Variants in CMIP observed in about 807,000 individuals in gnomAD.
CMIP encodes the protein c-Maf inducing protein, also known as C-Maf-inducing protein.
Under a neutral mutation model 97.3 loss-of-function variants are expected in CMIP, and 13 were observed. That is an observed-to-expected ratio of 0.13 (90% CI 0.09 to 0.21). The LOEUF is 0.21. CMIP is among the 10% of genes least tolerant of loss of function. CMIP has a pLI of 1.00. For missense variants in CMIP, 847 were observed against 1,024.9 expected (o/e 0.83, Z 2.37); for synonymous variants, 538 against 436.3 (o/e 1.23, Z -2.91).
intron 1 of CMIP, among the ~76,000 whole-genome samples, chr16:81,597,840 C>T (rs2091587418): frequency 1.3e-5 from 2 of 152,066 alleles, no homozygotes; most frequent in African/African-American, 4.8e-5. Flanking sequence ...CAGCCATCTT[C>T]AGGGATCATC....
chr16:81,490,583 G>A (rs145061554), intron 1 of CMIP, among the ~76,000 whole-genome samples: 7 of 152,280 alleles, frequency 4.6e-5, no homozygotes, highest in Non-Finnish European at 7.4e-5. Flanking sequence ...TTACGCCATC[G>A]CACTCTAGCC....
intron 5 of CMIP, among the ~76,000 whole-genome samples, chr16:81,659,037 G>T (rs1386820699): frequency 6.6e-6 from 1 of 152,232 alleles, no homozygotes; most frequent in East Asian, 1.9e-4. Context: ...CTCTCAGTGG[G>T]TGTTTGCTAA....
intron 19 of CMIP, among the ~76,000 whole-genome samples, chr16:81,706,573 G>A (rs1908166039): frequency 6.6e-6 from 1 of 152,236 alleles, no homozygotes; most frequent in Admixed American, 6.5e-5. Flanking sequence ...GTGGGTGGAG[G>A]GGTCTGCCCC....
intron 2 of CMIP, among the ~76,000 whole-genome samples, chr16:81,617,962 C>T (rs1172122489): frequency 6.6e-6 from 1 of 152,214 alleles, no homozygotes; most frequent in African/African-American, 2.4e-5. Flanking sequence ...CCTCCACCTT[C>T]TTTTTGTCTT....
intron 2 of CMIP, among the ~76,000 whole-genome samples, chr16:81,609,732 C>T (rs1443385748): frequency 6.6e-6 from 1 of 152,124 alleles, no homozygotes; most frequent in Non-Finnish European, 1.5e-5. Context: ...GGGGTGGGGG[C>T]ACACTCCCCG....
At chr16:81,527,435 A>T (rs1170139198) in intron 1 of CMIP, among the ~76,000 whole-genome samples, 1 of 152,208 alleles carries the variant, frequency 6.6e-6, no homozygotes, top group Non-Finnish European at 1.5e-5. Flanking sequence ...GTATTCATCC[A>T]TTCTTTTCTT....
intron 1 of CMIP, among the ~76,000 whole-genome samples, chr16:81,512,942 G>T (rs2089841304): frequency 6.6e-6 from 1 of 152,128 alleles, no homozygotes; most frequent in Non-Finnish European, 1.5e-5. Flanking sequence ...TCTCCATGTT[G>T]CCCAAGCTGG....
At chr16:81,583,830 G>T (rs560633226) in intron 1 of CMIP, among the ~76,000 whole-genome samples, 408 of 152,324 alleles carry the variant, frequency 2.7e-3, no homozygotes, top group Middle Eastern at 0.01. Flanking sequence ...GCAAATCAGG[G>T]ATATTCAAAG....
At chr16:81,563,919 C>G (rs570165300) in intron 1 of CMIP, among the ~76,000 whole-genome samples, 20 of 152,240 alleles carry the variant, frequency 1.3e-4, no homozygotes, top group Admixed American at 3.3e-4. Context: ...CATGCTGCAG[C>G]CTAGCTGTCT....
intron 2 of CMIP, among the ~76,000 whole-genome samples, chr16:81,613,456 A>G (rs1405009770): frequency 6.6e-6 from 1 of 152,212 alleles, no homozygotes; most frequent in Non-Finnish European, 1.5e-5. Flanking sequence ...CTAGCCATGG[A>G]ACCCTAGGTT....
rs8046549 is a variant in CMIP at position 81,667,555 on chromosome 16, G to C, written c.826-2587G>C. ...GATTATTCAAAAATCTAATAGCTAA[G>C]ATGACAGTTACCTTAAGTCTCTGTT... On this transcript the variant is annotated intron_variant, in intron 7 of 20. Coordinates refer to ENST00000537098, the MANE Select transcript of CMIP (RefSeq NM_198390.3). 4.5e-3 allele frequency among the ~76,000 whole-genome samples: 682 copies of C among 152,218 alleles called. 9 individuals are homozygous for C. The highest frequency in any genetic ancestry group is 0.016 in the African/African-American group (658 of 41,514).
intron 1 of CMIP, among the ~76,000 whole-genome samples, chr16:81,506,212 C>A (rs189939814): frequency 6.6e-6 from 1 of 152,092 alleles, no homozygotes; most frequent in Non-Finnish European, 1.5e-5. Context: ...TAGAAACTGG[C>A]GAAGCTGATT....
chr16:81,560,161 A>C (rs1229845660), intron 1 of CMIP, among the ~76,000 whole-genome samples: 2 of 148,250 alleles, frequency 1.3e-5, no homozygotes, highest in Admixed American at 1.3e-4. Context: ...AAAAAAAAAA[A>C]GAAAAAGAAA....
At chr16:81,705,286 C>A (rs905200437) in intron 18 of CMIP, among the ~76,000 whole-genome samples, 8 of 152,228 alleles carry the variant, frequency 5.3e-5, no homozygotes, top group African/African-American at 1.9e-4. Flanking sequence ...GGCCTGGCTC[C>A]ACTCCCAACA....
At chr16:81,709,647 G>A (rs1908540104) in intron 20 of CMIP, 99 bp from the exon 21 acceptor site, 1 of 1,365,176 alleles carries the variant, frequency 7.3e-7, no homozygotes, top group Non-Finnish European at 1.0e-6. Context: ...GGAGAGGGTG[G>A]CAGAGACCCC....
chr16:81,590,716 G>A (rs997259644), intron 1 of CMIP, among the ~76,000 whole-genome samples: 3 of 152,170 alleles, frequency 2.0e-5, no homozygotes, highest in African/African-American at 2.4e-5. Flanking sequence ...CAGTCCTGGC[G>A]TAAACAACAA....
intron 3 of CMIP, among the ~76,000 whole-genome samples, chr16:81,644,271 C>G (rs9927804): frequency 0.025 from 3,797 of 152,228 alleles, 157 homozygotes; most frequent in African/African-American, 0.087. Context: ...CACAGATAAT[C>G]GGGACAGTGT....
intron 19 of CMIP, among the ~76,000 whole-genome samples, chr16:81,706,690 C>T (rs1463000536): frequency 2.0e-5 from 3 of 152,136 alleles, no homozygotes; most frequent in Non-Finnish European, 2.9e-5. Context: ...GGGGAGGCCT[C>T]GGGCCTGATC....
intron 1 of CMIP, among the ~76,000 whole-genome samples, chr16:81,556,071 A>G (rs989040065): frequency 6.6e-6 from 1 of 152,144 alleles, no homozygotes; most frequent in Non-Finnish European, 1.5e-5. Flanking sequence ...TTCCCTGGAA[A>G]ATGCAGACCC....
Sources: allele counts gnomAD v4.1 joint callset (sites outside exome capture counted in the v4.1 genomes callset), GRCh38; gene constraint gnomAD v4.1.1; transcripts MANE v1.5; gene names NCBI Gene and HGNC (gene_info 2026-07-23, HGNC 2026-07-21).